Variants in PCDH7 observed in about 807,000 individuals in gnomAD.
PCDH7 encodes the protein protocadherin-7.
A neutral mutation model predicts 58.9 loss-of-function variants in PCDH7; 17 were observed. That is an observed-to-expected ratio of 0.29 (90% CI 0.20 to 0.43). The LOEUF (loss-of-function observed/expected upper bound fraction) is 0.43. Ranked by LOEUF, PCDH7 falls within the 20% of genes least tolerant of loss-of-function variation. PCDH7 has a pLI of 1.00. For synonymous variants in PCDH7, 664 were observed against 616.4 expected, an observed-to-expected ratio of 1.08 and a Z score of -1.14; for missense variants, 1,274 against 1,441.0, an observed-to-expected ratio of 0.88 and a Z score of 1.88.
rs1322095248 is a variant in PCDH7 at position 30,720,542 on chromosome 4, G to C, written c.-881G>C. On this transcript the variant is annotated 5_prime_UTR_variant, in exon 1 of 2. Coordinates refer to ENST00000361762, the Ensembl canonical transcript of PCDH7. This position sits in a 1 kb window ranked among gnomAD's most constrained non-coding sequence, Gnocchi z 4.7. The stretch of plus-strand genomic sequence containing the variant: ...CTGCGGTTTCAGGCGGCTGCTTCGT[G>C]ACTAATGACCTTGCGCAGAGTTGTT... 2.0e-5 allele frequency: 3 copies of C among 152,698 alleles called. No individual in the cohort carries two copies. Among genetic ancestry groups the C allele is most frequent in the African/African-American group, 7.2e-5 (3 of 41,462 alleles). 9.5% of individuals were successfully genotyped at this position (152,698 alleles called of 1,614,324 possible). A position where few individuals can be genotyped will look rare whatever the true frequency, so the allele number is the denominator to read the frequency against.
chr4:30,769,155 T>C (rs1721093543), intron 1 of PCDH7, among the ~76,000 whole-genome samples: 1 of 152,156 alleles, frequency 6.6e-6, no homozygotes, highest in African/African-American at 2.4e-5. Context: ...TAAGTGTAGA[T>C]GAGTTGAGTC....
At chr4:31,051,205 G>A (rs1483757421) in intron 3 of PCDH7, among the ~76,000 whole-genome samples, 1 of 152,030 alleles carries the variant, frequency 6.6e-6, no homozygotes, top group Non-Finnish European at 1.5e-5. Context: ...CACCTTACAA[G>A]CATCTGTTAG....
At chr4:30,905,414 A>G (rs186095842) in intron 1 of PCDH7, among the ~76,000 whole-genome samples, 2 of 152,166 alleles carry the variant, frequency 1.3e-5, no homozygotes, top group Non-Finnish European at 2.9e-5. Flanking sequence ...ATGCAAAGCA[A>G]CAGAGCAGCA....
intron 3 of PCDH7, among the ~76,000 whole-genome samples, chr4:31,099,293 A>G (rs1714589287): frequency 6.6e-6 from 1 of 152,130 alleles, no homozygotes; most frequent in Non-Finnish European, 1.5e-5. Context: ...CTGCTCTCTG[A>G]GTGAAGTGGG....
At chr4:30,741,761 T>C (rs567951713) in intron 1 of PCDH7, among the ~76,000 whole-genome samples, 2 of 152,344 alleles carry the variant, frequency 1.3e-5, no homozygotes, top group South Asian at 2.1e-4. Context: ...GAGTAGAGTA[T>C]AAGCAAATTA....
At chr4:30,841,779 T>A in intron 1 of PCDH7, among the ~76,000 whole-genome samples, 1 of 152,084 alleles carries the variant, frequency 6.6e-6, no homozygotes, top group East Asian at 1.9e-4. Context: ...CTTTGTCTCC[T>A]TATAATTTCC....
intron 1 of PCDH7, among the ~76,000 whole-genome samples, chr4:30,740,825 A>T (rs1389000657): frequency 2.6e-5 from 4 of 152,136 alleles, no homozygotes; most frequent in South Asian, 2.1e-4. Flanking sequence ...ACAGTTTTTT[A>T]AAAAATATCA....
At chr4:31,080,877 T>G (rs925991022) in intron 3 of PCDH7, among the ~76,000 whole-genome samples, 2 of 152,168 alleles carry the variant, frequency 1.3e-5, no homozygotes, top group African/African-American at 4.8e-5. Context: ...CTCCATACTG[T>G]TCTTGTGGTA....
chr4:30,810,177 A>T (rs1012886935), intron 1 of PCDH7, among the ~76,000 whole-genome samples: 1 of 152,144 alleles, frequency 6.6e-6, no homozygotes, highest in Non-Finnish European at 1.5e-5. Context: ...ACAGATGTTC[A>T]CTTCTCATAA....
intron 1 of PCDH7, among the ~76,000 whole-genome samples, chr4:30,894,516 TACACACACACACACACACACACAC>T (rs55942705): frequency 3.1e-5 from 1 of 32,208 alleles, no homozygotes; most frequent in African/African-American, 1.5e-4. Flanking sequence ...TATATATATA[TACACACACACACACACACACACAC>T]ACACACACAC....
At chr4:30,993,933 C>G (rs1454529394) in intron 3 of PCDH7, among the ~76,000 whole-genome samples, 1 of 151,876 alleles carries the variant, frequency 6.6e-6, no homozygotes. Flanking sequence ...ATGTGTAAGT[C>G]TGGAGACCAG....
At chr4:31,009,316 G>A (rs137974455) in intron 3 of PCDH7, among the ~76,000 whole-genome samples, 159 of 152,092 alleles carry the variant, frequency 1.0e-3, no homozygotes, top group African/African-American at 3.8e-3. Flanking sequence ...TCGTATTAGT[G>A]GAAATAGGGA....
At chr4:30,838,490 A>T (rs1730792715) in intron 1 of PCDH7, among the ~76,000 whole-genome samples, 1 of 152,046 alleles carries the variant, frequency 6.6e-6, no homozygotes, top group Non-Finnish European at 1.5e-5. Context: ...AACACATTTT[A>T]AAGGGTTTTT....
chr4:31,047,920 A>G (rs1214941721), intron 3 of PCDH7, among the ~76,000 whole-genome samples: 1 of 152,040 alleles, frequency 6.6e-6, no homozygotes, highest in Non-Finnish European at 1.5e-5. Context: ...TTCTTAAATT[A>G]ACATTTTTAA....
At chr4:31,098,086 T>C (rs1714396855) in intron 3 of PCDH7, among the ~76,000 whole-genome samples, 1 of 152,204 alleles carries the variant, frequency 6.6e-6, no homozygotes, top group Non-Finnish European at 1.5e-5. Flanking sequence ...AACACGTTGC[T>C]TGTTTATTCA....
intron 1 of PCDH7, among the ~76,000 whole-genome samples, chr4:30,777,708 T>C (rs1722255649): frequency 6.6e-6 from 1 of 152,184 alleles, no homozygotes; most frequent in African/African-American, 2.4e-5. Flanking sequence ...GTTAGTACTG[T>C]TACTTTGTGA....
At chr4:30,836,816 C>A (rs1246359312) in intron 1 of PCDH7, among the ~76,000 whole-genome samples, 1 of 152,064 alleles carries the variant, frequency 6.6e-6, no homozygotes, top group East Asian at 1.9e-4. Context: ...AATCCCACCA[C>A]GAATACACCC....
At chr4:30,791,888 A>T (rs1444428846) in intron 1 of PCDH7, among the ~76,000 whole-genome samples, 1 of 152,260 alleles carries the variant, frequency 6.6e-6, no homozygotes, top group Non-Finnish European at 1.5e-5. Flanking sequence ...TACTAGTAGC[A>T]TAAGAATCAT....
At chr4:31,144,063 C>T (rs1720519705), downstream of PCDH7, 1 of 152,114 alleles carries the variant, frequency 6.6e-6, no homozygotes, top group Non-Finnish European at 1.5e-5. Context: ...TTTTAGAATC[C>T]AGGCTATGCT....
Sources: allele counts gnomAD v4.1 joint callset (sites outside exome capture counted in the v4.1 genomes callset), GRCh38; gene constraint gnomAD v4.1.1; non-coding constraint Gnocchi (gnomAD v3.1); transcripts MANE v1.5; gene names NCBI Gene and HGNC (gene_info 2026-07-23, HGNC 2026-07-21).